Variants in CIITA observed in about 807,000 individuals in gnomAD.
The protein encoded by CIITA is class II major histocompatibility complex transactivator, also known as MHC class II transactivator.
In CIITA, 72 loss-of-function variants were observed where a neutral mutation model predicts 115.1. That is an observed-to-expected ratio of 0.63 (90% confidence interval 0.52 to 0.76). The LOEUF is 0.76. Among genes scored for constraint, CIITA ranks in the 30% least tolerant of loss-of-function variants. The pLI, the probability that CIITA is intolerant of heterozygous loss-of-function variation, is 0.00. For missense variants in CIITA, 1,617 were observed against 1,463.8 expected (o/e 1.10, Z -1.71); for synonymous variants, 763 against 635.6 (o/e 1.20, Z -3.02).
chr16:10,902,939 C>T, intron 8 of CIITA, 138 bp downstream of exon 8: 1 of 1,085,618 alleles, frequency 9.2e-7, no homozygotes, highest in Non-Finnish European at 1.4e-6. Flanking sequence ...GCACAACTTT[C>T]TCTGTCCCTA....
chr16:10,926,672 C>T lies in CIITA; in HGVS notation c.*2817C>T, dbSNP rs1350196461. Reference sequence around the variant, plus strand: ...TCTCCCACCTCAGCCTCCCAAGTAGCTGGGATTACAGGCATGCACCACCAC... The same window carrying T: ...TCTCCCACCTCAGCCTCCCAAGTAGTTGGGATTACAGGCATGCACCACCAC... On this transcript the variant is annotated 3_prime_UTR_variant, in exon 20 of 20. Transcript: ENST00000324288. 1.3e-5 allele frequency: 2 copies of T among 152,222 alleles called. No homozygotes were observed. The highest frequency in any genetic ancestry group is 4.8e-5 in the African/African-American group (2 of 41,434). The allele number at this position is 152,222 out of a possible 1,614,324, so 9.4% of individuals were successfully genotyped here.
At chr16:10,910,352 CAG>C in intron 13 of CIITA, 93 bp downstream of exon 13, 11 of 1,075,632 alleles carry the variant, frequency 1.0e-5, no homozygotes, top group Non-Finnish European at 1.4e-5. Flanking sequence ...GATAGATCTC[CAG>C]AATCATTCTT....
chr16:10,904,958 C>A, intron 10 of CIITA, 146 bp downstream of exon 10: 1 of 846,382 alleles, frequency 1.2e-6, no homozygotes, highest in South Asian at 1.5e-5. Flanking sequence ...CATTCATTCA[C>A]TTATTTGATT....
At chr16:10,884,197 G>A (rs1196120018) in intron 1 of CIITA, among the ~76,000 whole-genome samples, 3 of 152,176 alleles carry the variant, frequency 2.0e-5, no homozygotes, top group African/African-American at 7.2e-5. Context: ...GCTAGGGATT[G>A]CAGCCAATTT....
rs755711946 is a variant in CIITA at position 10,882,727 on chromosome 16, G to A, written c.52+5345G>A. Among the ~76,000 whole-genome samples the A allele has an allele frequency of 7.2e-5, 11 of 152,070 alleles. 1 individual carries two copies. The South Asian group carries it at 8.3e-4, about 12-fold the overall frequency. On this transcript the variant is annotated intron_variant, in intron 1 of 19. Coordinates refer to ENST00000324288, the MANE Select transcript of CIITA (RefSeq NM_000246.4). Reference sequence around the variant, plus strand: ...AGCCTGGGCAACATGGTGAAACACCGTCTCTCCTAAAAATACAAAATTAGC... The same window carrying A: ...AGCCTGGGCAACATGGTGAAACACCATCTCTCCTAAAAATACAAAATTAGC...
At chr16:10,876,232 C>T (rs533496191), upstream of CIITA, among the ~76,000 whole-genome samples, 19 of 152,348 alleles carry the variant, frequency 1.2e-4, no homozygotes, top group African/African-American at 4.6e-4. Flanking sequence ...CCAGGCTAGC[C>T]TCCAACTCCC....
chr16:10,935,521 A>C lies in CIITA; in HGVS notation c.*11666A>C, dbSNP rs1225346592. 1 of 152,252 alleles carries C rather than the reference A, an allele frequency of 6.6e-6. No homozygotes were observed. The highest frequency in any genetic ancestry group is 1.5e-5 in the Non-Finnish European group (1 of 68,044). The allele number at this position is 152,252 out of a possible 1,614,324, so 9.4% of individuals were successfully genotyped here. A position where few individuals can be genotyped will look rare whatever the true frequency, so the allele number is the denominator to read the frequency against. ...TAGTGACAGACATTTTTTAAAAAAT[A>C]AATTCACATAAAAAAGTAGTTTTAC... On this transcript the variant is annotated 3_prime_UTR_variant, in exon 20 of 20. Transcript: ENST00000324288.
rs775236554 is a variant in CIITA, at chr16:10,901,987, A to C, written c.482-51A>C. ...GCCACTCCAGGGCCCTCCCCATCCC[A>C]GGAAGGCCCCTCCAAGCACCCAGTC... On this transcript the variant is annotated intron_variant, in intron 6 of 19. Coordinates refer to ENST00000324288, the MANE Select transcript of CIITA (RefSeq NM_000246.4). The surrounding 1 kb of genome is among the most constrained non-coding windows in gnomAD (Gnocchi z 6.8). 1 of 1,610,000 alleles carries C rather than the reference A, an allele frequency of 6.2e-7. No individual in the cohort carries two copies. Among genetic ancestry groups the C allele is most frequent in the Non-Finnish European group, 8.5e-7 (1 of 1,178,242 alleles).
At position 10,927,622 on chromosome 16, in the gene CIITA, C is replaced by T. The variant is rs1326802103; in HGVS notation, c.*3767C>T. On this transcript the variant is annotated 3_prime_UTR_variant, in exon 20 of 20. Coordinates refer to ENST00000324288, the MANE Select transcript of CIITA (RefSeq NM_000246.4). ...CAAAGGCACCTGGGACAAGGGGGAA[C>T]ATGGGGGCTGCAAACCAGTCTGGGT... is the stretch of plus-strand genomic sequence containing the variant. 1 of 152,250 alleles carries T rather than the reference C, an allele frequency of 6.6e-6. No homozygotes were observed. Among genetic ancestry groups the T allele is most frequent in the Non-Finnish European group, 1.5e-5 (1 of 68,056 alleles). 9.4% of individuals were successfully genotyped at this position (152,250 alleles called of 1,614,324 possible).
chr16:10,918,349 A>T (rs1216992458), intron 15 of CIITA, 91 bp from the exon 16 acceptor site: 1 of 1,154,400 alleles, frequency 8.7e-7, no homozygotes, highest in Non-Finnish European at 1.3e-6. Flanking sequence ...CGACAGCGCC[A>T]TTCACAGCCT....
Position 10,907,450 on chromosome 16 carries a change from C to T in CIITA, c.1958C>T (p.Pro653Leu), listed in dbSNP as rs1200399471. ...CTGGGCCGTGCAGCCCTCGACAGCCCCCCCGGGGCCCTGGCAGAGCTGGCC... is the reference window on the plus strand; with the variant it reads ...CTGGGCCGTGCAGCCCTCGACAGCCTCCCCGGGGCCCTGGCAGAGCTGGCC... ...GLLGRAALDSPPGALAELAKL... is the reference protein window; with the variant it reads ...GLLGRAALDSLPGALAELAKL... Residue 653 changes from proline (P) to leucine (L), a missense_variant, in exon 11 of 20, where the codon CCC becomes CTC. By Grantham distance (98) the Pro-to-Leu change is moderately conservative. Transcript: ENST00000324288. This position sits in a 1 kb window ranked among gnomAD's most constrained non-coding sequence, Gnocchi z 5.0. 2 of 1,613,040 alleles carry T rather than the reference C, an allele frequency of 1.2e-6. No homozygotes were observed. The highest frequency in any genetic ancestry group is 3.3e-5 in the Admixed American group (2 of 60,000).
Position 10,907,622 on chromosome 16 carries a change from C to G in CIITA, c.2130C>G (p.Ser710Arg). The G allele has an allele frequency of 6.2e-7, 1 of 1,614,264 alleles. No homozygotes were observed. Among genetic ancestry groups the G allele is most frequent in the Non-Finnish European group, 8.5e-7 (1 of 1,180,046 alleles). Residue 710 changes from serine (S) to arginine (R), a missense_variant, in exon 11 of 20, where the codon AGC becomes AGG. Transcript: ENST00000324288. This position sits in a 1 kb window ranked among gnomAD's most constrained non-coding sequence, Gnocchi z 5.0. The stretch of plus-strand genomic sequence containing the variant: ...CAGAGTCCGAGCTGGCCTTCCCCAG[C>G]TTCCTCCTGCAATGCTTCCTGGGGG... ...RAAESELAFP[S>R]FLLQCFLGAL...
chr16:10,876,489 A>G (rs2035853202), upstream of CIITA, among the ~76,000 whole-genome samples: 1 of 152,226 alleles, frequency 6.6e-6, no homozygotes, highest in Admixed American at 6.5e-5. Flanking sequence ...GAGTGATCAT[A>G]TATTAGAAGA....
At position 10,906,856 on chromosome 16, in the gene CIITA, G is replaced by A. The variant is rs776818583; in HGVS notation, c.1364G>A (p.Cys455Tyr). 6.2e-7 allele frequency: 1 copy of A among 1,613,468 alleles called. No individual in the cohort carries two copies. The highest frequency in any genetic ancestry group is 1.1e-5 in the South Asian group (1 of 91,086). ...YDFVFSVPCH[C>Y]LNRPGDAYGL... The stretch of plus-strand genomic sequence containing the variant: ...TTTGTCTTCTCTGTCCCCTGCCATT[G>A]CTTGAACCGTCCGGGGGATGCCTAT... The change falls in exon 11 of 20, where the codon TGC (cysteine) becomes TAC (tyrosine). Residue 455 changes from cysteine (C) to tyrosine (Y), a missense_variant. By Grantham distance (194) the Cys-to-Tyr change is radical. Coordinates refer to ENST00000324288, the MANE Select transcript of CIITA (RefSeq NM_000246.4).
chr16:10,935,369 A>C lies in CIITA; in HGVS notation c.*11514A>C, dbSNP rs1011315972. The stretch of plus-strand genomic sequence containing the variant: ...TTATGTTTATCACCCGACAGTTGTT[A>C]ATCTCTTTTTAACAAAGAATACAGG... On this transcript the variant is annotated 3_prime_UTR_variant, in exon 20 of 20. Transcript: ENST00000324288. 5.3e-5 allele frequency: 8 copies of C among 152,212 alleles called. No homozygotes were observed. Among genetic ancestry groups the C allele is most frequent in the Admixed American group, 3.3e-4 (5 of 15,284 alleles). 9.4% of individuals were successfully genotyped at this position (152,212 alleles called of 1,614,324 possible). A position where few individuals can be genotyped will look rare whatever the true frequency, so the allele number is the denominator to read the frequency against.
Position 10,866,307 on chromosome 16 carries a change from C to T in CIITA, c.-33C>T, listed in dbSNP as rs147874115. 191 of 568,712 alleles carry T rather than the reference C, an allele frequency of 3.4e-4. 1 individual carries two copies. The East Asian group carries it at 6.4e-3, about 19-fold the overall frequency. 35.2% of individuals were successfully genotyped at this position (568,712 alleles called of 1,614,324 possible). A position where few individuals can be genotyped will look rare whatever the true frequency, so the allele number is the denominator to read the frequency against. ...GGGCTGCCATGAACAACTTCCAGGC[C>T]ATCCTGACTCAGGTGAGAATGCTGC... is the stretch of plus-strand genomic sequence containing the variant. On this transcript the variant is annotated 5_prime_UTR_variant, in exon 1 of 6. Transcript: ENST00000636238.
At chr16:10,903,198 G>T (rs1165982238) in intron 8 of CIITA, among the ~76,000 whole-genome samples, 5 of 152,134 alleles carry the variant, frequency 3.3e-5, no homozygotes, top group Non-Finnish European at 5.9e-5. Context: ...GAATAGTTTG[G>T]TGTGCATCCT....
At chr16:10,880,362 G>A (rs564432968) in intron 1 of CIITA, among the ~76,000 whole-genome samples, 8 of 152,330 alleles carry the variant, frequency 5.3e-5, no homozygotes, top group Admixed American at 2.6e-4. Flanking sequence ...TCCAATGTTC[G>A]TTTGTGGGGC....
In CIITA at chr16:10,877,314, G is replaced by C. The variant is rs2035916959; in HGVS notation, c.-17G>C. 1 of 1,611,730 alleles carries C rather than the reference G, an allele frequency of 6.2e-7. No homozygotes were observed. The highest frequency in any genetic ancestry group is 1.1e-5 in the South Asian group (1 of 90,610). On this transcript the variant is annotated 5_prime_UTR_variant, in exon 1 of 20. Coordinates refer to ENST00000324288, the MANE Select transcript of CIITA (RefSeq NM_000246.4). ...GCCAGACTCCGGGAGCTGCTGCCTG[G>C]CTGGGATTCCTACACAATGCGTTGC... is the stretch of plus-strand genomic sequence containing the variant.
Sources: allele counts gnomAD v4.1 joint callset (sites outside exome capture counted in the v4.1 genomes callset), GRCh38; gene constraint gnomAD v4.1.1; non-coding constraint Gnocchi (gnomAD v3.1); transcripts MANE v1.5; gene names NCBI Gene and HGNC (gene_info 2026-07-23, HGNC 2026-07-21).